The following NFIA variants were observed in gnomAD, a reference collection of about 807,000 sequenced individuals.
NFIA encodes nuclear factor 1 A-type.
Under a neutral mutation model 62.8 loss-of-function variants are expected in NFIA, and 8 were observed. That is an observed-to-expected ratio of 0.13 (90% CI 0.07 to 0.23). The LOEUF is 0.23. Among genes scored for constraint, NFIA ranks in the 10% least tolerant of loss-of-function variants. NFIA has a pLI of 1.00. For synonymous variants in NFIA, 235 were observed against 238.1 expected (o/e 0.99, Z 0.12); for missense variants, 410 against 642.1 (o/e 0.64, Z 3.91).
intron 4 of NFIA, among the ~76,000 whole-genome samples, chr1:61,335,509 GA>G (rs2100399247): frequency 6.6e-6 from 1 of 152,286 alleles, no homozygotes; most frequent in Admixed American, 6.5e-5. Flanking sequence ...GCTTTTTGCA[GA>G]TGAGTGGACC....
chr1:61,200,823 ATTTC>A (rs1453982378), intron 2 of NFIA, among the ~76,000 whole-genome samples: 1 of 152,248 alleles, frequency 6.6e-6, no homozygotes, highest in African/African-American at 2.4e-5. Context: ...TGCTAATAAT[ATTTC>A]TAACTGTGAT....
At chr1:61,316,266 G>C (rs988425617) in intron 3 of NFIA, among the ~76,000 whole-genome samples, 2 of 152,034 alleles carry the variant, frequency 1.3e-5, no homozygotes, top group African/African-American at 4.8e-5. Context: ...AGGAAGAAGG[G>C]GCATTTCAAA....
chr1:61,209,539 AGGCACAG>A (rs1653109130), intron 2 of NFIA, among the ~76,000 whole-genome samples: 1 of 152,146 alleles, frequency 6.6e-6, no homozygotes, highest in Non-Finnish European at 1.5e-5. Flanking sequence ...ATACGAGGCC[AGGCACAG>A]TGGCTCATAC....
intron 4 of NFIA, among the ~76,000 whole-genome samples, chr1:61,334,587 A>G (rs186078352): frequency 0.24 from 23,705 of 98,978 alleles, 4,466 homozygotes; most frequent in African/African-American, 0.38. Flanking sequence ...ATATATATAT[A>G]TATATATATA....
intron 2 of NFIA, among the ~76,000 whole-genome samples, chr1:61,269,681 A>G (rs185467839): frequency 4.2e-3 from 636 of 152,350 alleles, no homozygotes; most frequent in Middle Eastern, 0.014. Context: ...TCTGATAAAC[A>G]GATGTAATGC....
chr1:61,265,467 T>C (rs1159708242), intron 2 of NFIA, among the ~76,000 whole-genome samples: 3 of 152,160 alleles, frequency 2.0e-5, no homozygotes, highest in African/African-American at 7.2e-5. Flanking sequence ...CTTGGGTGAA[T>C]TTCTGAAGAA....
intron 2 of NFIA, among the ~76,000 whole-genome samples, chr1:61,200,010 G>GTATATATATA (rs60422302): frequency 3.8e-5 from 2 of 52,826 alleles, no homozygotes; most frequent in Non-Finnish European, 7.8e-5. Context: ...ATATATATAT[G>GTATATATATA]TATATATATA....
At chr1:61,148,893 G>C (rs549006002) in intron 2 of NFIA, among the ~76,000 whole-genome samples, 3 of 152,084 alleles carry the variant, frequency 2.0e-5, no homozygotes, top group Non-Finnish European at 4.4e-5. Context: ...CAAAATTAGA[G>C]ACAGGGTCTT....
intron 7 of NFIA, among the ~76,000 whole-genome samples, chr1:61,386,660 C>T (rs1231147361): frequency 6.6e-6 from 1 of 152,186 alleles, no homozygotes; most frequent in Non-Finnish European, 1.5e-5. Context: ...TGGCTGCAAA[C>T]ATAAGCTACA....
chr1:61,260,794 A>T (rs1361930178), intron 2 of NFIA, among the ~76,000 whole-genome samples: 1 of 152,018 alleles, frequency 6.6e-6, no homozygotes, highest in African/African-American at 2.4e-5. Flanking sequence ...GTTAGCCAGG[A>T]TGGTCTCGAT....
intron 3 of NFIA, among the ~76,000 whole-genome samples, chr1:61,329,696 T>G (rs1378909701): frequency 1.1e-4 from 16 of 152,166 alleles, no homozygotes; most frequent in Admixed American, 1.3e-4. Context: ...TTTAGCTGTT[T>G]CTGTAAACTC....
intron 7 of NFIA, among the ~76,000 whole-genome samples, chr1:61,391,855 C>G (rs142456058): frequency 1.3e-5 from 2 of 152,328 alleles, no homozygotes; most frequent in African/African-American, 4.8e-5. Flanking sequence ...TCCACTGAAT[C>G]TAATTTGTCT....
At chr1:61,307,471 G>A (rs540518117) in intron 3 of NFIA, among the ~76,000 whole-genome samples, 5 of 152,218 alleles carry the variant, frequency 3.3e-5, no homozygotes, top group South Asian at 4.1e-4. Context: ...ATGGTGTTTC[G>A]TTACAGCAGC....
chr1:61,133,449 A>G (rs936862457), intron 2 of NFIA, among the ~76,000 whole-genome samples: 4 of 152,204 alleles, frequency 2.6e-5, no homozygotes, highest in African/African-American at 4.8e-5. Context: ...AGAATGTTTT[A>G]TGAGGAAGGG....
chr1:61,136,862 A>G (rs71641721), intron 2 of NFIA, among the ~76,000 whole-genome samples: 106 of 152,306 alleles, frequency 7.0e-4, no homozygotes, highest in Non-Finnish European at 1.3e-3. Context: ...ATCATCTATA[A>G]AATGAGATAA....
At chr1:61,378,400 G>A (rs186339476) in intron 6 of NFIA, among the ~76,000 whole-genome samples, 40 of 152,220 alleles carry the variant, frequency 2.6e-4, no homozygotes, top group Admixed American at 2.1e-3. Context: ...TTTTCTCTAG[G>A]TGACTAGGCT....
At chr1:61,156,603 C>T (rs910794154) in intron 2 of NFIA, among the ~76,000 whole-genome samples, 1 of 152,146 alleles carries the variant, frequency 6.6e-6, no homozygotes, top group Non-Finnish European at 1.5e-5. Context: ...GCAGTTATCC[C>T]ATCAGTAAGA....
intron 8 of NFIA, among the ~76,000 whole-genome samples, chr1:61,405,666 A>G (rs1413461572): frequency 6.6e-6 from 1 of 152,172 alleles, no homozygotes; most frequent in Non-Finnish European, 1.5e-5. Context: ...CATTTTTGTA[A>G]TAGTCCTGAC....
intron 2 of NFIA, among the ~76,000 whole-genome samples, chr1:61,150,912 G>A (rs527681096): frequency 2.0e-4 from 30 of 152,276 alleles, no homozygotes; most frequent in Admixed American, 1.8e-3. Flanking sequence ...GGAGCAATTC[G>A]GAAGTGGAGA....
Sources: gnomAD v4.1 joint callset for allele counts (sites outside exome capture counted in the v4.1 genomes callset) on GRCh38, gnomAD v4.1.1 for gene constraint, MANE v1.5 for transcripts, NCBI Gene and HGNC (gene_info 2026-07-23, HGNC 2026-07-21) for gene names.